The following APBB1IP variants were observed in gnomAD, a reference collection of about 807,000 sequenced individuals.
The protein encoded by APBB1IP is amyloid beta precursor protein binding family B member 1 interacting protein.
APBB1IP carries 27 observed loss-of-function variants against 64.9 expected under a neutral mutation model. The ratio of observed to expected loss-of-function variants is 0.42; its 90% confidence interval spans 0.31 to 0.57. The LOEUF (loss-of-function observed/expected upper bound fraction) is 0.57. Ranked by LOEUF, APBB1IP falls within the 20% of genes least tolerant of loss-of-function variation. The probability of loss-of-function intolerance (pLI) is 0.20; values close to 1 mark genes in which losing one functional copy is unlikely to be tolerated. For missense variants in APBB1IP, 812 were observed against 845.5 expected (o/e 0.96, Z 0.49); for synonymous variants, 392 against 331.0 (o/e 1.18, Z -2.00).
chr10:26,492,950 G>T lies in APBB1IP; in HGVS notation c.72+552G>T, dbSNP rs564979928. ...TAATCCTAGCAACCCTGGGGGCGCT[G>T]CAGGAGGCCAGGGCATGTTTCATCC... On this transcript the variant is annotated intron_variant, in intron 3 of 14. Transcript: ENST00000376236. 1.7e-3 allele frequency among the ~76,000 whole-genome samples: 265 copies of T among 152,272 alleles called. 2 individuals carry two copies. Among genetic ancestry groups the T allele is most frequent in the African/African-American group, 5.8e-3 (242 of 41,550 alleles).
At chr10:26,515,829 C>T (rs1412182300) in intron 8 of APBB1IP, among the ~76,000 whole-genome samples, 2 of 152,096 alleles carry the variant, frequency 1.3e-5, no homozygotes, top group African/African-American at 4.8e-5. Context: ...TCAGAGATTA[C>T]CTCCATACCT....
At chr10:26,450,690 C>CT (rs10685344) in intron 2 of APBB1IP, among the ~76,000 whole-genome samples, 5,880 of 138,814 alleles carry the variant, frequency 0.042, 445 homozygotes, top group African/African-American at 0.14. Flanking sequence ...AACTCAGATT[C>CT]TTTTTTTTTT....
chr10:26,562,541 T>C lies in APBB1IP; in HGVS notation c.1473+112T>C. On this transcript the variant is annotated intron_variant, in intron 14 of 14. Coordinates refer to ENST00000376236, the MANE Select transcript of APBB1IP (RefSeq NM_019043.4). ...TAAGCTGAGTGCAGTAGCTCACACCTGTAATCCCAGAACTTTGGGAGGCTG... is the reference window on the plus strand; with the variant it reads ...TAAGCTGAGTGCAGTAGCTCACACCCGTAATCCCAGAACTTTGGGAGGCTG... 3.5e-6 allele frequency: 3 copies of C among 846,558 alleles called. No individual in the cohort carries two copies. In the South Asian group the frequency reaches 4.6e-5, roughly 13 times the overall value. The allele number at this position is 846,558 out of a possible 1,614,324, so 52.4% of individuals were successfully genotyped here.
At chr10:26,513,061 C>T (rs1836280538) in intron 7 of APBB1IP, among the ~76,000 whole-genome samples, 1 of 152,190 alleles carries the variant, frequency 6.6e-6, no homozygotes, top group South Asian at 2.1e-4. Flanking sequence ...GACTGATTGT[C>T]CACCTCACGT....
intron 8 of APBB1IP, among the ~76,000 whole-genome samples, chr10:26,531,051 T>C (rs762937055): frequency 1.9e-4 from 29 of 152,136 alleles, no homozygotes; most frequent in Non-Finnish European, 4.0e-4. Context: ...TCAATAAGAA[T>C]TACCAAAAGA....
At position 26,567,543 on chromosome 10, in the gene APBB1IP, G is replaced by C. The variant is rs758484822; in HGVS notation, c.*55G>C. On this transcript the variant is annotated 3_prime_UTR_variant, in exon 15 of 15. Transcript: ENST00000376236. ...GAAGCATCGCTGACCCCGAGCGCAG[G>C]TTTTGCTAGCAGATTGCCCTGACAT... The C allele has an allele frequency of 1.3e-6, 2 of 1,511,056 alleles. No homozygotes were observed. The highest frequency in any genetic ancestry group is 1.8e-6 in the Non-Finnish European group (2 of 1,113,624). The allele number at this position is 1,511,056 out of a possible 1,614,324, so 93.6% of individuals were successfully genotyped here. A position where few individuals can be genotyped will look rare whatever the true frequency, so the allele number is the denominator to read the frequency against.
intron 2 of APBB1IP, among the ~76,000 whole-genome samples, chr10:26,462,212 T>C (rs1377559800): frequency 5.9e-5 from 9 of 152,228 alleles, no homozygotes; most frequent in Non-Finnish European, 1.2e-4. Context: ...TCCCAAGTCC[T>C]GCCATTGACT....
At chr10:26,549,357 G>A (rs1836803539) in intron 11 of APBB1IP, among the ~76,000 whole-genome samples, 1 of 152,136 alleles carries the variant, frequency 6.6e-6, no homozygotes, top group Admixed American at 6.5e-5. Context: ...GTTTGGAAGA[G>A]TTTCCTCCTT....
At chr10:26,444,656 A>C (rs1564345964) in intron 2 of APBB1IP, among the ~76,000 whole-genome samples, 1 of 152,182 alleles carries the variant, frequency 6.6e-6, no homozygotes, top group Non-Finnish European at 1.5e-5. Flanking sequence ...GTAGATATGA[A>C]GTATCATTTG....
At chr10:26,440,270 T>A (rs906874678) in intron 2 of APBB1IP, among the ~76,000 whole-genome samples, 1 of 152,190 alleles carries the variant, frequency 6.6e-6, no homozygotes, top group Non-Finnish European at 1.5e-5. Flanking sequence ...GTGAGATGAT[T>A]GGGCTACATT....
chr10:26,508,343 A>C (rs1298647666), intron 6 of APBB1IP, among the ~76,000 whole-genome samples: 1 of 152,082 alleles, frequency 6.6e-6, no homozygotes, highest in Admixed American at 6.6e-5. Context: ...TTTTTTTAAA[A>C]ATGCCCTGGG....
intron 11 of APBB1IP, among the ~76,000 whole-genome samples, chr10:26,555,357 G>A (rs1460337818): frequency 6.6e-6 from 1 of 152,054 alleles, no homozygotes; most frequent in Non-Finnish European, 1.5e-5. Context: ...TTCATTCCAT[G>A]GTTTCCAGAC....
chr10:26,535,624 G>T (rs1836611381), intron 9 of APBB1IP, among the ~76,000 whole-genome samples: 2 of 152,030 alleles, frequency 1.3e-5, no homozygotes, highest in South Asian at 4.2e-4. Context: ...TATAATAATT[G>T]TTCTATTTAC....
At position 26,510,734 on chromosome 10, in the gene APBB1IP, TCACACACACACA is replaced by T. The variant is rs1554776713; in HGVS notation, c.532-982_532-971del. 2.1e-4 allele frequency among the ~76,000 whole-genome samples: 28 copies of T among 135,984 alleles called. No homozygotes were observed. In the South Asian group the frequency reaches 5.2e-3, roughly 25 times the overall value. The allele number at this position is 135,984 out of a possible 152,430, so 89.2% of individuals were successfully genotyped here. A position where few individuals can be genotyped will look rare whatever the true frequency, so the allele number is the denominator to read the frequency against. ...CTAGGCAACAGAGCAAGACCCTGTCTCACACACACACACACACACACACACACACACACACAC... is the reference window on the plus strand; with the variant it reads ...CTAGGCAACAGAGCAAGACCCTGTCTCACACACACACACACACACACACAC... On this transcript the variant is annotated intron_variant, in intron 6 of 14. Coordinates refer to ENST00000376236, the MANE Select transcript of APBB1IP (RefSeq NM_019043.4).
chr10:26,511,687 A>G (rs1836261792), intron 6 of APBB1IP, 60 bp from the exon 7 acceptor site: 2 of 1,586,310 alleles, frequency 1.3e-6, no homozygotes, highest in Admixed American at 1.7e-5. Context: ...TGAAACCCTC[A>G]TCTTAGTAGC....
chr10:26,542,766 CT>C (rs34900901), intron 11 of APBB1IP, among the ~76,000 whole-genome samples: 17 of 147,828 alleles, frequency 1.1e-4, no homozygotes, highest in South Asian at 6.5e-4. Flanking sequence ...ATGTCCTAGC[CT>C]TTTTTTTTTA....
intron 2 of APBB1IP, among the ~76,000 whole-genome samples, chr10:26,489,054 T>G (rs1393044495): frequency 6.6e-6 from 1 of 152,172 alleles, no homozygotes; most frequent in Non-Finnish European, 1.5e-5. Context: ...GCCAACACAG[T>G]TTTACAACTT....
At chr10:26,546,841 A>G (rs1836770983) in intron 11 of APBB1IP, among the ~76,000 whole-genome samples, 1 of 152,222 alleles carries the variant, frequency 6.6e-6, no homozygotes, top group Admixed American at 6.5e-5. Context: ...TATTGTGAAC[A>G]GTGCTGCAAT....
intron 2 of APBB1IP, among the ~76,000 whole-genome samples, chr10:26,481,690 A>G (rs1436018727): frequency 6.6e-6 from 1 of 151,860 alleles, no homozygotes; most frequent in Non-Finnish European, 1.5e-5. Flanking sequence ...GTCTTGCTAT[A>G]TTGCCCAGGC....
Sources: gnomAD v4.1 joint callset for allele counts (sites outside exome capture counted in the v4.1 genomes callset) on GRCh38, gnomAD v4.1.1 for gene constraint, MANE v1.5 for transcripts, NCBI Gene and HGNC (gene_info 2026-07-23, HGNC 2026-07-21) for gene names.